THAP6: variants seen among roughly 807,000 people sequenced by gnomAD.
THAP6 encodes the protein THAP domain-containing protein 6.
A neutral mutation model predicts 20.0 loss-of-function variants in THAP6; 13 were observed. The ratio of observed to expected loss-of-function variants is 0.65; its 90% CI spans 0.42 to 1.03. THAP6 has a LOEUF of 1.03. Among genes scored for constraint, THAP6 ranks in the 50% least tolerant of loss-of-function variants. The pLI is 0.00. For synonymous variants in THAP6, 93 were observed against 92.2 expected (o/e 1.01, Z -0.05); for missense variants, 262 against 261.6 (o/e 1.00, Z -0.01).
rs373159683 is a variant in THAP6, at chr4:75,515,443, A to T, written c.-10A>T. 1.5e-5 allele frequency: 24 copies of T among 1,612,970 alleles called. No homozygotes were observed. Among genetic ancestry groups the T allele is most frequent in the African/African-American group, 2.7e-5 (2 of 74,898 alleles). On this transcript the variant is annotated 5_prime_UTR_variant, in exon 2 of 5. Transcript: ENST00000311638. ...CTAATTTTCTTTCAGTTTTGTTATG[A>T]GTTGCTAAAATGGTGAAATGCTGCT...
chr4:75,534,656 C>G (rs1726799346), downstream of THAP6, among the ~76,000 whole-genome samples: 1 of 152,136 alleles, frequency 6.6e-6, no homozygotes, highest in Non-Finnish European at 1.5e-5. Context: ...TTTTTGCAAT[C>G]TACTCATCTG....
At chr4:75,532,954 G>A (rs189803263), downstream of THAP6, among the ~76,000 whole-genome samples, 31 of 152,302 alleles carry the variant, frequency 2.0e-4, no homozygotes, top group Admixed American at 2.0e-3. Flanking sequence ...TCGCTGACAT[G>A]CCCTGGAGAC....
At chr4:75,526,086 C>T (rs1374863912) in intron 4 of THAP6, among the ~76,000 whole-genome samples, 1 of 152,230 alleles carries the variant, frequency 6.6e-6, no homozygotes, top group East Asian at 1.9e-4. Flanking sequence ...GTCTGCTAAG[C>T]TCTGCCTGGG....
At position 75,521,778 on chromosome 4, in the gene THAP6, A is replaced by G. The variant is rs748329307; in HGVS notation, c.331A>G (p.Lys111Glu). ...TCATTGTAGAAAAAACTTCACCCTC[A>G]AAACCGTTCCAGCCACTAACTACAA... Reference protein sequence around the residue: ...KLHCRKNFTLKTVPATNYNHH... With the variant: ...KLHCRKNFTLETVPATNYNHH... Residue 111 changes from lysine (K) to glutamate (E), a missense_variant, in exon 4 of 5, where the codon AAA becomes GAA. Coordinates refer to ENST00000311638, the MANE Select transcript of THAP6 (RefSeq NM_144721.6). The G allele has an allele frequency of 3.1e-6, 5 of 1,613,232 alleles. No individual in the cohort carries two copies. Among genetic ancestry groups the G allele is most frequent in the Non-Finnish European group, 4.2e-6 (5 of 1,179,534 alleles).
chr4:75,516,661 C>A, intron 2 of THAP6, 111 bp from the exon 3 acceptor site: 2 of 828,630 alleles, frequency 2.4e-6, no homozygotes, highest in Non-Finnish European at 3.7e-6. Flanking sequence ...ATTCTCAAGA[C>A]TAATAAACTA....
intron 2 of THAP6, among the ~76,000 whole-genome samples, chr4:75,535,085 A>G (rs1427829349): frequency 6.6e-6 from 1 of 152,224 alleles, no homozygotes; most frequent in African/African-American, 2.4e-5. Flanking sequence ...TCAGGCTGCT[A>G]TAAAGACACA....
rs1190987439 is a variant in THAP6 at position 75,528,235 on chromosome 4, T to C, written c.*1021T>C. The C allele has an allele frequency of 1.0e-6, 1 of 985,304 alleles. No individual in the cohort carries two copies. The highest frequency in any genetic ancestry group is 1.2e-6 in the Non-Finnish European group (1 of 829,916). The allele number at this position is 985,304 out of a possible 1,614,324, so 61.0% of individuals were successfully genotyped here. A position where few individuals can be genotyped will look rare whatever the true frequency, so the allele number is the denominator to read the frequency against. ...GAAACGGGTAATTAAAACAGCAGCTTTAGAATAGCTTCTTACTGAATATGC... is the reference window on the plus strand; with the variant it reads ...GAAACGGGTAATTAAAACAGCAGCTCTAGAATAGCTTCTTACTGAATATGC... On this transcript the variant is annotated 3_prime_UTR_variant, in exon 5 of 5. Transcript: ENST00000311638.
downstream of THAP6, among the ~76,000 whole-genome samples, chr4:75,534,887 G>A (rs991979008): frequency 3.9e-5 from 6 of 152,036 alleles, no homozygotes; most frequent in South Asian, 2.1e-4. Flanking sequence ...TTAGAAGGGC[G>A]ATCATTAAAA....
At chr4:75,519,216 A>G (rs962043250) in intron 3 of THAP6, among the ~76,000 whole-genome samples, 3 of 152,016 alleles carry the variant, frequency 2.0e-5, no homozygotes, top group African/African-American at 4.8e-5. Flanking sequence ...TCTTTGCTGT[A>G]TGGTATTGCA....
rs1179051171 is a variant in THAP6 at position 75,539,925 on chromosome 4, T to C, written c.166-2484T>C. Reference sequence around the variant, plus strand: ...ACCAAGAAGAGAGAAATGCATTTCATAGGGAATGGCAAGTGGACAGGCAAC... The same window carrying C: ...ACCAAGAAGAGAGAAATGCATTTCACAGGGAATGGCAAGTGGACAGGCAAC... On this transcript the variant is annotated intron_variant, in intron 2 of 4. Transcript: ENST00000502620. 58 of 1,536,080 alleles carry C rather than the reference T, an allele frequency of 3.8e-5. No homozygotes were observed. In the Admixed American group the frequency reaches 6.1e-4, roughly 16 times the overall value.
chr4:75,519,793 G>A (rs1725908714), intron 3 of THAP6, among the ~76,000 whole-genome samples: 1 of 151,708 alleles, frequency 6.6e-6, no homozygotes, highest in East Asian at 1.9e-4. Flanking sequence ...AAACATACGT[G>A]TGCATGTGTC....
chr4:75,516,939 G>C lies in THAP6; in HGVS notation c.248G>C (p.Gly83Ala), dbSNP rs1427880930. ...GCTCCAAATATTAAACTGAAACCTGGAGTCATACCTTCTATCTTTGATTCT... is the reference window on the plus strand; with the variant it reads ...GCTCCAAATATTAAACTGAAACCTGCAGTCATACCTTCTATCTTTGATTCT... ...RSAPNIKLKP[G>A]VIPSIFDSPY... Residue 83 changes from glycine (G) to alanine (A), a missense_variant, in exon 3 of 5, where the codon GGA (glycine) becomes GCA (alanine). Transcript: ENST00000311638. The C allele has an allele frequency of 3.1e-6, 5 of 1,613,562 alleles. No individual in the cohort carries two copies. Among genetic ancestry groups the C allele is most frequent in the Non-Finnish European group, 3.4e-6 (4 of 1,179,950 alleles).
chr4:75,544,060 C>T (rs1727070532), intron 3 of THAP6, among the ~76,000 whole-genome samples: 1 of 152,062 alleles, frequency 6.6e-6, no homozygotes, highest in Admixed American at 6.6e-5. Context: ...TCAGAATAAA[C>T]CAAACATTTA....
At position 75,529,805 on chromosome 4, in the gene THAP6, T is replaced by C. The variant is rs1048711922; in HGVS notation, c.*2591T>C. On this transcript the variant is annotated 3_prime_UTR_variant, in exon 5 of 5. Coordinates refer to ENST00000311638, the MANE Select transcript of THAP6 (RefSeq NM_144721.6). ...CAGCACCAAGTCAGGTACGAAGCGCTTGATACGTGGAATTTTTCTCTATAT... is the reference window on the plus strand; with the variant it reads ...CAGCACCAAGTCAGGTACGAAGCGCCTGATACGTGGAATTTTTCTCTATAT... 1 of 985,322 alleles carries C rather than the reference T, an allele frequency of 1.0e-6. No homozygotes were observed. The highest frequency in any genetic ancestry group is 1.2e-6 in the Non-Finnish European group (1 of 829,930). The allele number at this position is 985,322 out of a possible 1,614,324, so 61.0% of individuals were successfully genotyped here. A position where few individuals can be genotyped will look rare whatever the true frequency, so the allele number is the denominator to read the frequency against.
intron 2 of THAP6, among the ~76,000 whole-genome samples, chr4:75,536,079 G>A (rs1398569192): frequency 6.6e-6 from 1 of 152,124 alleles, no homozygotes; most frequent in Non-Finnish European, 1.5e-5. Flanking sequence ...CTCCAGAGGG[G>A]TTTTTCTAAA....
At chr4:75,517,682 C>T (rs1443892954) in intron 3 of THAP6, 1 of 152,044 alleles carries the variant, frequency 6.6e-6, no homozygotes, top group African/African-American at 2.4e-5. Flanking sequence ...TACATGCAAG[C>T]ATAAAGTCTA....
At chr4:75,515,592 G>A in intron 2 of THAP6, 60 bp downstream of exon 2, 1 of 1,552,584 alleles carries the variant, frequency 6.4e-7, no homozygotes, top group Non-Finnish European at 8.9e-7. Flanking sequence ...GCAAAAGACA[G>A]TTCTACTTAA....
chr4:75,520,710 AT>A (rs1725967222), intron 3 of THAP6, among the ~76,000 whole-genome samples: 1 of 152,182 alleles, frequency 6.6e-6, no homozygotes. Context: ...CTTTTTAAAG[AT>A]TTGCTTTCAA....
intron 2 of THAP6, chr4:75,539,726 A>G: frequency 7.5e-7 from 1 of 1,341,688 alleles, no homozygotes; most frequent in East Asian, 2.5e-5. Flanking sequence ...TTCTCTGAGC[A>G]CTTACAAAGT....
Sources: gnomAD v4.1 joint callset for allele counts (sites outside exome capture counted in the v4.1 genomes callset) on GRCh38, gnomAD v4.1.1 for gene constraint, MANE v1.5 for transcripts, NCBI Gene and HGNC (gene_info 2026-07-23, HGNC 2026-07-21) for gene names.